Variants in ARHGAP24 observed in about 807,000 individuals in gnomAD.
The protein encoded by ARHGAP24 is rho GTPase-activating protein 24.
Under a neutral mutation model 76.4 loss-of-function variants are expected in ARHGAP24, and 50 were observed. The observed-to-expected ratio is 0.65, with a 90% CI of 0.52 to 0.83. The LOEUF is 0.83. ARHGAP24 is among the 40% of genes least tolerant of loss of function. ARHGAP24 has a pLI of 0.00. For synonymous variants in ARHGAP24, 345 were observed against 323.3 expected, an observed-to-expected ratio of 1.07 and a Z score of -0.72; for missense variants, 930 against 914.2, an observed-to-expected ratio of 1.02 and a Z score of -0.22.
intron 4 of ARHGAP24, among the ~76,000 whole-genome samples, chr4:85,926,851 C>A (rs1441224080): frequency 6.6e-6 from 1 of 152,094 alleles, no homozygotes; most frequent in Admixed American, 6.5e-5. Flanking sequence ...AAGAAGAAAA[C>A]CCATGTGTTC....
intron 3 of ARHGAP24, among the ~76,000 whole-genome samples, chr4:85,915,372 A>C (rs1735324560): frequency 6.6e-6 from 1 of 152,198 alleles, no homozygotes; most frequent in Non-Finnish European, 1.5e-5. Flanking sequence ...TAAAAACATG[A>C]CCAAAATAAA....
At chr4:85,791,538 G>T (rs1728127030) in intron 3 of ARHGAP24, among the ~76,000 whole-genome samples, 1 of 152,146 alleles carries the variant, frequency 6.6e-6, no homozygotes, top group Non-Finnish European at 1.5e-5. Flanking sequence ...TTTAAAGTTA[G>T]TCATGGCCAG....
intron 2 of ARHGAP24, among the ~76,000 whole-genome samples, chr4:85,620,230 A>T (rs558438574): frequency 1.3e-5 from 2 of 152,040 alleles, no homozygotes; most frequent in African/African-American, 4.8e-5. Flanking sequence ...CAGGATTGGT[A>T]TTAGTTTTTC....
intron 2 of ARHGAP24, among the ~76,000 whole-genome samples, chr4:85,660,028 T>C (rs1168490187): frequency 6.6e-6 from 1 of 152,216 alleles, no homozygotes; most frequent in Non-Finnish European, 1.5e-5. Flanking sequence ...GGAGTTGCCC[T>C]TATCACTTCT....
intron 4 of ARHGAP24, chr4:85,930,740 G>A: frequency 7.9e-7 from 1 of 1,271,552 alleles, no homozygotes; most frequent in Non-Finnish European, 9.9e-7. Flanking sequence ...GTTTTTTTTT[G>A]CTAAACAGGA....
At chr4:85,996,794 C>T (rs1740686857) in intron 9 of ARHGAP24, among the ~76,000 whole-genome samples, 1 of 151,998 alleles carries the variant, frequency 6.6e-6, no homozygotes, top group African/African-American at 2.4e-5. Flanking sequence ...GTTTTTGGAA[C>T]CACTATGTAT....
intron 5 of ARHGAP24, among the ~76,000 whole-genome samples, chr4:85,954,685 T>C (rs1737809133): frequency 6.6e-6 from 1 of 152,218 alleles, no homozygotes; most frequent in South Asian, 2.1e-4. Flanking sequence ...GGAAGATCCT[T>C]GCTTGTTTTA....
chr4:85,928,002 G>A (rs1259312649), intron 4 of ARHGAP24, among the ~76,000 whole-genome samples: 2 of 152,096 alleles, frequency 1.3e-5, no homozygotes, highest in Non-Finnish European at 2.9e-5. Context: ...AAATGAAAAT[G>A]AATTTATAAA....
intron 8 of ARHGAP24, among the ~76,000 whole-genome samples, chr4:85,986,018 A>C (rs370144952): frequency 6.6e-6 from 1 of 152,244 alleles, no homozygotes; most frequent in East Asian, 1.9e-4. Context: ...TGGATGTTTA[A>C]GTGAATGAAA....
intron 2 of ARHGAP24, among the ~76,000 whole-genome samples, chr4:85,668,829 A>T (rs962720698): frequency 6.6e-6 from 1 of 152,146 alleles, no homozygotes; most frequent in Non-Finnish European, 1.5e-5. Flanking sequence ...TTGGATATGT[A>T]CTTTAGAGGG....
At chr4:85,529,941 G>T (rs1019649160) in intron 1 of ARHGAP24, among the ~76,000 whole-genome samples, 6 of 151,772 alleles carry the variant, frequency 4.0e-5, no homozygotes, top group Non-Finnish European at 7.4e-5. Context: ...TTTGAGAGTT[G>T]GTTAAGTCCA....
chr4:85,667,647 A>C (rs1269835109), intron 2 of ARHGAP24, among the ~76,000 whole-genome samples: 2 of 152,148 alleles, frequency 1.3e-5, no homozygotes, highest in African/African-American at 4.8e-5. Context: ...CTTGGCTGCC[A>C]CGCACTTTTT....
intron 3 of ARHGAP24, among the ~76,000 whole-genome samples, chr4:85,767,443 A>C (rs1401536250): frequency 6.6e-6 from 1 of 152,064 alleles, no homozygotes; most frequent in African/African-American, 2.4e-5. Flanking sequence ...TGAATGCTTC[A>C]TCACCTTTAT....
In ARHGAP24 at chr4:85,911,395, GA is replaced by G. The variant is rs966223506; in HGVS notation, c.269-12243del. On this transcript the variant is annotated intron_variant, in intron 3 of 9. Transcript: ENST00000395184. ...ATCAATAATACATAACCAAAAAAAA[GA>G]AAAAAAAAATTAAAACAATGAAAAA... Among the ~76,000 whole-genome samples the G allele has an allele frequency of 1.1e-4, 16 of 150,312 alleles. 1 individual carries two copies. The South Asian group carries it at 1.3e-3, about 12-fold the overall frequency.
intron 3 of ARHGAP24, among the ~76,000 whole-genome samples, chr4:85,898,171 T>G (rs1734304372): frequency 6.6e-6 from 1 of 151,280 alleles, no homozygotes; most frequent in Non-Finnish European, 1.5e-5. Flanking sequence ...TTGGAATGCC[T>G]TCTTATTAAC....
rs138093021 is a variant in ARHGAP24 at position 85,491,534 on chromosome 4, A to AAC, written c.-21+15991_-21+15992dup. ...TCCAGAAATCACCTTGGGTCTGTTT[A>AAC]ACACACACACACACACAGCTGTGTG... On this transcript the variant is annotated intron_variant, in intron 1 of 9. Transcript: ENST00000395184. Among the ~76,000 whole-genome samples the AAC allele has an allele frequency of 6.4e-3, 970 of 151,290 alleles. 7 individuals carry two copies. Among genetic ancestry groups the AAC allele is most frequent in the African/African-American group, 0.02 (815 of 41,382 alleles).
chr4:85,655,891 C>A (rs1347391187), intron 2 of ARHGAP24, among the ~76,000 whole-genome samples: 1 of 146,886 alleles, frequency 6.8e-6, no homozygotes, highest in East Asian at 2.0e-4. Flanking sequence ...AGTAAGTATA[C>A]TGTACACGTG....
At chr4:85,795,900 C>T (rs1031745513) in intron 3 of ARHGAP24, among the ~76,000 whole-genome samples, 3 of 152,122 alleles carry the variant, frequency 2.0e-5, no homozygotes, top group Admixed American at 6.6e-5. Context: ...CTCAACTTGA[C>T]TCATTCACAC....
chr4:85,637,746 T>C (rs777143473), intron 2 of ARHGAP24, among the ~76,000 whole-genome samples: 1 of 151,912 alleles, frequency 6.6e-6, no homozygotes, highest in African/African-American at 2.4e-5. Flanking sequence ...TTAATTTCAC[T>C]TTTTTTTACT....
Sources: gnomAD v4.1 joint callset for allele counts (sites outside exome capture counted in the v4.1 genomes callset) on GRCh38, gnomAD v4.1.1 for gene constraint, MANE v1.5 for transcripts, NCBI Gene and HGNC (gene_info 2026-07-23, HGNC 2026-07-21) for gene names.